CEP152: variants seen among roughly 807,000 people sequenced by gnomAD.
CEP152 encodes centrosomal protein 152.
A neutral mutation model predicts 188.9 loss-of-function variants in CEP152; 132 were observed. That is an observed-to-expected ratio of 0.70 (90% CI 0.61 to 0.81). The LOEUF is 0.81. CEP152 is among the 30% of genes least tolerant of loss of function. CEP152 has a pLI of 0.00. For missense variants in CEP152, 1,914 were observed against 1,969.8 expected (o/e 0.97, Z 0.54); for synonymous variants, 649 against 666.6 (o/e 0.97, Z 0.41).
At chr15:48,799,029 C>T (rs1318340782) in intron 2 of CEP152, among the ~76,000 whole-genome samples, 1 of 152,124 alleles carries the variant, frequency 6.6e-6, no homozygotes, top group African/African-American at 2.4e-5. Flanking sequence ...TTTCTAATTA[C>T]TTCTCTTTAA....
chr15:48,795,034 G>A (rs1897212538), intron 6 of CEP152, among the ~76,000 whole-genome samples: 1 of 152,086 alleles, frequency 6.6e-6, no homozygotes, highest in South Asian at 2.1e-4. Flanking sequence ...ACTAATTAAA[G>A]GGAAACAAAA....
intron 19 of CEP152, among the ~76,000 whole-genome samples, chr15:48,758,879 T>G (rs1005270344): frequency 6.6e-6 from 1 of 152,142 alleles, no homozygotes; most frequent in African/African-American, 2.4e-5. Context: ...TTTTCTCTCA[T>G]TTCTATATGT....
At chr15:48,797,635 A>G (rs1897388031) in intron 4 of CEP152, 26 bp downstream of exon 4, 1 of 1,614,046 alleles carries the variant, frequency 6.2e-7, no homozygotes, top group African/African-American at 1.3e-5. Context: ...ACCCTCACCA[A>G]AGTCATCATC....
intron 26 of CEP152, among the ~76,000 whole-genome samples, chr15:48,739,919 C>T (rs761227005): frequency 6.6e-6 from 1 of 152,114 alleles, no homozygotes; most frequent in Non-Finnish European, 1.5e-5. Flanking sequence ...TATGTTACTG[C>T]CTTTTCATAC....
At chr15:48,744,385 T>C (rs377183777) in intron 23 of CEP152, 42 bp from the exon 24 acceptor site, 6 of 1,611,568 alleles carry the variant, frequency 3.7e-6, no homozygotes, top group Non-Finnish European at 5.1e-6. Context: ...AAATGGTAAG[T>C]GAAAAATTTC....
intron 13 of CEP152, 95 bp from the exon 14 acceptor site, chr15:48,769,176 CA>C (rs1207642371): frequency 1.0e-6 from 1 of 973,200 alleles, no homozygotes; most frequent in Non-Finnish European, 1.6e-6. Flanking sequence ...GCAAACAGTA[CA>C]AATAATCTCC....
At chr15:48,763,543 G>A (rs1043611156) in intron 17 of CEP152, among the ~76,000 whole-genome samples, 18 of 151,926 alleles carry the variant, frequency 1.2e-4, no homozygotes, top group Non-Finnish European at 1.8e-4. Flanking sequence ...GTGTGGTGGC[G>A]CTTGCCTGTA....
chr15:48,795,323 T>C (rs1377501050), intron 6 of CEP152, among the ~76,000 whole-genome samples: 15 of 152,168 alleles, frequency 9.9e-5, no homozygotes, highest in Admixed American at 9.8e-4. Flanking sequence ...ATCTAAGTAA[T>C]TCTGAATATA....
chr15:48,792,815 A>T (rs1897065076), intron 7 of CEP152, among the ~76,000 whole-genome samples: 1 of 151,340 alleles, frequency 6.6e-6, no homozygotes, highest in East Asian at 2.0e-4. Context: ...TCCAAAATAG[A>T]GTGTCTTTTT....
chr15:48,771,963 AACTTTTCCACC>A (rs1895562423), intron 13 of CEP152, among the ~76,000 whole-genome samples: 1 of 152,250 alleles, frequency 6.6e-6, no homozygotes, highest in Admixed American at 6.5e-5. Context: ...GAATGCACAT[AACTTTTCCACC>A]ACTGTAAAGT....
chr15:48,764,002 G>C (rs1447525917), intron 17 of CEP152, among the ~76,000 whole-genome samples: 1 of 152,144 alleles, frequency 6.6e-6, no homozygotes, highest in Non-Finnish European at 1.5e-5. Flanking sequence ...TATATCCTGA[G>C]TTGGGTCGAA....
intron 2 of CEP152, among the ~76,000 whole-genome samples, chr15:48,730,925 C>G (rs1349322721): frequency 2.0e-5 from 3 of 152,148 alleles, no homozygotes; most frequent in Admixed American, 2.0e-4. Context: ...CGTAAAATTT[C>G]CAGTTTTCAA....
At chr15:48,759,346 C>T (rs922762682) in intron 19 of CEP152, among the ~76,000 whole-genome samples, 19 of 152,090 alleles carry the variant, frequency 1.2e-4, no homozygotes, top group Admixed American at 1.0e-3. Context: ...CTTAATTTTT[C>T]CAAAGTGTTA....
At position 48,796,156 on chromosome 15, in the gene CEP152, G is replaced by T; in HGVS notation, c.545C>A (p.Pro182His). 1.9e-6 allele frequency: 3 copies of T among 1,613,480 alleles called. No individual in the cohort carries two copies. Among genetic ancestry groups the T allele is most frequent in the Non-Finnish European group, 2.5e-6 (3 of 1,179,662 alleles). The change falls in exon 6 of 27, where the codon CCC becomes CAC. Residue 182 changes from proline (P) to histidine (H), a missense_variant. Transcript: ENST00000380950. ...ATACGGTTCCAAACCTTGACAACTG[G>T]GACCCTGTGATAACAAATGAAACTG... Reference protein sequence around the residue: ...SDPQWNHFQGPSCQGLEPYNK... With the variant: ...SDPQWNHFQGHSCQGLEPYNK...
In CEP152 at chr15:48,767,164, C is replaced by A; in HGVS notation, c.2176G>T (p.Val726Leu). ...RSELDKLNKE[V>L]TAVQECYLEV... ...AGGTAACATTCCTGCACAGCAGTCACCTCCTTATTCAACTTATCCAACTCA... is the reference window on the plus strand; with the variant it reads ...AGGTAACATTCCTGCACAGCAGTCAACTCCTTATTCAACTTATCCAACTCA... The change falls in exon 17 of 27, where the codon GTG (valine) becomes TTG (leucine). Residue 726 changes from valine (V) to leucine (L), a missense_variant. Val to Leu is a conservative substitution (Grantham distance 32). Transcript: ENST00000380950. 6.2e-7 allele frequency: 1 copy of A among 1,613,840 alleles called. No individual in the cohort carries two copies. Among genetic ancestry groups the A allele is most frequent in the South Asian group, 1.1e-5 (1 of 91,078 alleles).
chr15:48,786,000 A>C (rs1332490407), intron 9 of CEP152, among the ~76,000 whole-genome samples: 1 of 152,068 alleles, frequency 6.6e-6, no homozygotes. Context: ...GTTCTAGCAC[A>C]CAGGAAAATG....
intron 26 of CEP152, chr15:48,740,865 A>C (rs1892915208): frequency 1.0e-5 from 2 of 200,756 alleles, no homozygotes; most frequent in African/African-American, 2.4e-5. Flanking sequence ...GGTTGGGGAA[A>C]GGAGGGGAGA....
At chr15:48,737,315 C>T (rs1397173518), downstream of CEP152, among the ~76,000 whole-genome samples, 6 of 152,082 alleles carry the variant, frequency 3.9e-5, no homozygotes, top group African/African-American at 9.7e-5. Context: ...TAACTGTTTT[C>T]GGAAGCACTT....
rs568381404 is a variant in CEP152 at position 48,783,706 on chromosome 15, T to C, written c.1321+267A>G. Among the ~76,000 whole-genome samples the C allele has an allele frequency of 4.4e-3, 659 of 150,536 alleles. 1 individual carries two copies. The highest frequency in any genetic ancestry group is 0.015 in the African/African-American group (630 of 41,198). On this transcript the variant is annotated intron_variant, in intron 10 of 26. Coordinates refer to ENST00000380950, the MANE Select transcript of CEP152 (RefSeq NM_001194998.2). ...ATTTTTATTTGGTACTTTATACTGG[T>C]CTCCAGCTTCCAAATTATTTAATAA...
Sources: gnomAD v4.1 joint callset for allele counts (sites outside exome capture counted in the v4.1 genomes callset) on GRCh38, gnomAD v4.1.1 for gene constraint, MANE v1.5 for transcripts, NCBI Gene and HGNC (gene_info 2026-07-23, HGNC 2026-07-21) for gene names.